Variants in VPS13B observed in about 807,000 individuals in gnomAD.
VPS13B encodes vacuolar protein sorting 13 homolog B.
In VPS13B, 285 loss-of-function variants were observed where a neutral mutation model predicts 426.4. The observed-to-expected ratio is 0.67, with a 90% CI of 0.61 to 0.74. The LOEUF is 0.74. Ranked by LOEUF, VPS13B falls within the 30% of genes least tolerant of loss-of-function variation. The pLI is 0.00. For missense variants in VPS13B, 4,537 were observed against 4,782.6 expected (o/e 0.95, Z 1.51); for synonymous variants, 1,676 against 1,676.4 (o/e 1.00, Z 0.01).
chr8:99,515,143 T>A (rs958624020), intron 29 of VPS13B, among the ~76,000 whole-genome samples: 1 of 152,230 alleles, frequency 6.6e-6, no homozygotes, highest in African/African-American at 2.4e-5. Flanking sequence ...CAAATCAGGC[T>A]ATTTAAGAAA....
intron 15 of VPS13B, among the ~76,000 whole-genome samples, chr8:99,161,879 T>C (rs2132639348): frequency 6.6e-6 from 1 of 151,874 alleles, no homozygotes; most frequent in East Asian, 1.9e-4. Context: ...ATTACAGGTG[T>C]GCACCACCAC....
chr8:99,589,815 C>T (rs1017455865), intron 33 of VPS13B, among the ~76,000 whole-genome samples: 1 of 152,166 alleles, frequency 6.6e-6, no homozygotes, highest in Non-Finnish European at 1.5e-5. Context: ...TATTGTGTCT[C>T]TGCCAGGCTT....
At chr8:99,299,220 C>T (rs369976781) in intron 19 of VPS13B, among the ~76,000 whole-genome samples, 25 of 151,970 alleles carry the variant, frequency 1.6e-4, no homozygotes, top group African/African-American at 5.8e-4. Flanking sequence ...CACCACTACA[C>T]CCGGCTAATT....
chr8:99,679,309 G>T (rs999513508), intron 35 of VPS13B, among the ~76,000 whole-genome samples: 7 of 152,114 alleles, frequency 4.6e-5, no homozygotes, highest in Non-Finnish European at 1.0e-4. Context: ...CACCAAAAAA[G>T]ATACAAAATT....
At chr8:99,171,793 A>T (rs1184684644) in intron 16 of VPS13B, among the ~76,000 whole-genome samples, 1 of 152,146 alleles carries the variant, frequency 6.6e-6, no homozygotes, top group African/African-American at 2.4e-5. Context: ...TAAATGTAAA[A>T]AAAAACTTTA....
At position 99,275,183 on chromosome 8, in the gene VPS13B, C is replaced by G; in HGVS notation, c.2753C>G (p.Ser918Cys). ...CTCAATGAGAGTAGAAAGCCAGAGT[C>G]TCTCTTAGCTCCAGATTTGATGGCC... is the stretch of plus-strand genomic sequence containing the variant. The part of the protein sequence containing the change: ...KWLNESRKPE[S>C]LLAPDLMAFT... Residue 918 changes from serine to cysteine, a missense_variant, in exon 19 of 62, where the codon TCT (serine) becomes TGT (cysteine). This residue lies in a region of VPS13B where 4,311 missense variants were observed against 4,474.3 expected (regional missense o/e 0.96). Transcript: ENST00000357162. 1.2e-6 allele frequency: 2 copies of G among 1,613,032 alleles called. No homozygotes were observed. The highest frequency in any genetic ancestry group is 1.7e-6 in the Non-Finnish European group (2 of 1,179,460).
intron 3 of VPS13B, among the ~76,000 whole-genome samples, chr8:99,088,549 A>G (rs1414615190): frequency 4.6e-5 from 7 of 152,218 alleles, no homozygotes; most frequent in South Asian, 4.1e-4. Context: ...GACGTGTTCA[A>G]TTTGAGGTGC....
intron 19 of VPS13B, among the ~76,000 whole-genome samples, chr8:99,328,648 ATTGATCAAGTTAAGATTTTTGTTACTATG>A (rs1306314318): frequency 5.9e-5 from 9 of 152,082 alleles, no homozygotes; most frequent in Non-Finnish European, 1.2e-4. Flanking sequence ...AAAATCAGGA[ATTGATCAAGTTAAGATTTTTGTTACTATG>A]TTGGTCTTTT....
At chr8:99,726,268 A>C (rs1415820657) in intron 39 of VPS13B, among the ~76,000 whole-genome samples, 1 of 152,214 alleles carries the variant, frequency 6.6e-6, no homozygotes, top group Admixed American at 6.5e-5. Context: ...TGAACTTTTA[A>C]ATGTTAGTAG....
At chr8:99,718,242 G>A (rs1229541448) in intron 37 of VPS13B, among the ~76,000 whole-genome samples, 1 of 151,386 alleles carries the variant, frequency 6.6e-6, no homozygotes, top group Non-Finnish European at 1.5e-5. Flanking sequence ...CCCAGCTAAT[G>A]TTTTTTATTT....
At chr8:99,742,729 T>C (rs542269692) in intron 39 of VPS13B, among the ~76,000 whole-genome samples, 1 of 152,282 alleles carries the variant, frequency 6.6e-6, no homozygotes, top group Non-Finnish European at 1.5e-5. Flanking sequence ...AAAAACCATA[T>C]GATTATCTCA....
chr8:99,537,530 A>G (rs1423332978), intron 30 of VPS13B, among the ~76,000 whole-genome samples: 1 of 152,222 alleles, frequency 6.6e-6, no homozygotes, highest in Non-Finnish European at 1.5e-5. Context: ...GTACCTTATC[A>G]GTGGAGCTCG....
At chr8:99,216,854 T>C (rs1815418286) in intron 17 of VPS13B, among the ~76,000 whole-genome samples, 1 of 152,180 alleles carries the variant, frequency 6.6e-6, no homozygotes, top group East Asian at 1.9e-4. Flanking sequence ...ACTTTTTTAA[T>C]GTGGTTAGTA....
chr8:99,066,714 C>A (rs1400613852), intron 3 of VPS13B, among the ~76,000 whole-genome samples: 5 of 152,162 alleles, frequency 3.3e-5, no homozygotes, highest in African/African-American at 1.2e-4. Context: ...AGTGAACAGG[C>A]AACCTACAGA....
chr8:99,509,901 T>C (rs1346754379), intron 28 of VPS13B, among the ~76,000 whole-genome samples: 1 of 152,180 alleles, frequency 6.6e-6, no homozygotes, highest in Non-Finnish European at 1.5e-5. Flanking sequence ...AAGTATATGT[T>C]TTACTTTACT....
At chr8:99,451,174 A>C (rs2133461426) in intron 23 of VPS13B, among the ~76,000 whole-genome samples, 1 of 152,308 alleles carries the variant, frequency 6.6e-6, no homozygotes, top group East Asian at 1.9e-4. Flanking sequence ...CTTTACAGGT[A>C]AGGGAGTTAG....
intron 3 of VPS13B, among the ~76,000 whole-genome samples, chr8:99,075,938 G>A (rs1451382985): frequency 6.6e-6 from 1 of 151,986 alleles, no homozygotes; most frequent in Non-Finnish European, 1.5e-5. Context: ...CTGGTTTCTT[G>A]AGAGTCATCA....
At chr8:99,234,272 A>G in intron 17 of VPS13B, 1 of 766,992 alleles carries the variant, frequency 1.3e-6, no homozygotes, top group South Asian at 1.3e-5. Context: ...GACATTGACA[A>G]CAGCAGTTTC....
At chr8:99,260,346 T>C (rs1198505846) in intron 17 of VPS13B, among the ~76,000 whole-genome samples, 1 of 152,062 alleles carries the variant, frequency 6.6e-6, no homozygotes, top group Non-Finnish European at 1.5e-5. Flanking sequence ...TCTTCAGACC[T>C]GAGAATCCTA....
Sources: gnomAD v4.1 joint callset for allele counts (sites outside exome capture counted in the v4.1 genomes callset) on GRCh38, gnomAD v4.1.1 for gene constraint, gnomAD v4.1.1 regional missense constraint, MANE v1.5 for transcripts, NCBI Gene and HGNC (gene_info 2026-07-23, HGNC 2026-07-21) for gene names.